RANBP2: variants seen among roughly 807,000 people sequenced by gnomAD.
RANBP2 encodes RAN binding protein 2, also known as E3 SUMO-protein ligase RanBP2.
A neutral mutation model predicts 303.6 loss-of-function variants in RANBP2; 57 were observed. The observed-to-expected ratio is 0.19, with a 90% CI of 0.15 to 0.23. The LOEUF is 0.23. Among genes scored for constraint, RANBP2 ranks in the 10% least tolerant of loss-of-function variants. RANBP2 has a pLI of 1.00. For missense variants in RANBP2, 3,138 were observed against 3,780.8 expected (o/e 0.83, Z 4.46); for synonymous variants, 1,167 against 1,301.5 (o/e 0.90, Z 2.23).
At chr2:109,192,351 C>T in the RANBP2 span, among the ~76,000 whole-genome samples, 2 of 152,140 alleles carry the variant, frequency 1.3e-5, no homozygotes, top group Non-Finnish European at 2.9e-5. Context: ...TTAAAAACCT[C>T]TTCTTTTGAG....
chr2:108,873,420 A>T, the RANBP2 span: 1 of 1,524,512 alleles, frequency 6.6e-7, no homozygotes, highest in East Asian at 2.3e-5. Flanking sequence ...GCTACTCCCT[A>T]ATAGTAAAGC....
chr2:109,027,847 G>T, the RANBP2 span, among the ~76,000 whole-genome samples: 3 of 152,206 alleles, frequency 2.0e-5, no homozygotes, highest in Non-Finnish European at 2.9e-5. Context: ...GTCCCTGCCA[G>T]TCCCCTACTT....
the RANBP2 span, among the ~76,000 whole-genome samples, chr2:109,679,892 CTGTT>C: frequency 2.0e-5 from 3 of 152,206 alleles, no homozygotes; most frequent in Admixed American, 1.3e-4. Flanking sequence ...GTGGCTGACA[CTGTT>C]TGACCCTGAG....
the RANBP2 span, among the ~76,000 whole-genome samples, chr2:109,559,362 G>A: frequency 6.6e-6 from 1 of 152,138 alleles, no homozygotes. Flanking sequence ...ACTCTCTTAG[G>A]AAGACAATAG....
chr2:109,593,554 C>T, the RANBP2 span, among the ~76,000 whole-genome samples: 15 of 151,916 alleles, frequency 9.9e-5, no homozygotes, highest in Non-Finnish European at 1.3e-4. Context: ...TACATGTGCA[C>T]GCCACCATGC....
chr2:108,849,683 A>AAAAAG, the RANBP2 span, among the ~76,000 whole-genome samples: 1 of 152,222 alleles, frequency 6.6e-6, no homozygotes, highest in Non-Finnish European at 1.5e-5. Flanking sequence ...AGAAAAAAAA[A>AAAAAG]TCTGACACTA....
the RANBP2 span, among the ~76,000 whole-genome samples, chr2:109,700,723 C>CT: frequency 2.0e-5 from 3 of 152,102 alleles, no homozygotes; most frequent in East Asian, 5.8e-4. Flanking sequence ...ACTTGGCAGT[C>CT]TTATGGGAGA....
chr2:109,098,468 A>G, the RANBP2 span, among the ~76,000 whole-genome samples: 1 of 152,108 alleles, frequency 6.6e-6, no homozygotes, highest in African/African-American at 2.4e-5. Context: ...AAGAAGCAGA[A>G]CCTGATGGTC....
the RANBP2 span, among the ~76,000 whole-genome samples, chr2:109,467,843 G>T: frequency 1.3e-5 from 2 of 152,152 alleles, no homozygotes; most frequent in East Asian, 3.9e-4. Context: ...ACAGAGCCAG[G>T]CTGAGCACCC....
the RANBP2 span, among the ~76,000 whole-genome samples, chr2:109,530,338 T>G: frequency 6.6e-6 from 1 of 152,164 alleles, no homozygotes; most frequent in Non-Finnish European, 1.5e-5. Flanking sequence ...ACGTGTCCAC[T>G]GATCAGGGCC....
chr2:109,414,967 C>G, the RANBP2 span, among the ~76,000 whole-genome samples: 1 of 152,224 alleles, frequency 6.6e-6, no homozygotes, highest in East Asian at 1.9e-4. Flanking sequence ...GGAGATGCTC[C>G]TGGATCACCT....
chr2:108,741,882 A>G (rs1353086759), intron 7 of RANBP2, among the ~76,000 whole-genome samples: 3 of 151,402 alleles, frequency 2.0e-5, no homozygotes, highest in African/African-American at 7.3e-5. Flanking sequence ...AGTCTTCCAA[A>G]AAAGCATTAA....
chr2:109,403,230 G>T, the RANBP2 span, among the ~76,000 whole-genome samples: 423 of 152,354 alleles, frequency 2.8e-3, 2 homozygotes, highest in Middle Eastern at 6.8e-3. Context: ...CGCACTGTCC[G>T]AGGCTGGCCT....
At chr2:109,760,813 G>A in the RANBP2 span, among the ~76,000 whole-genome samples, 1 of 138,116 alleles carries the variant, frequency 7.2e-6, no homozygotes, top group Non-Finnish European at 1.6e-5. Flanking sequence ...CGGGAGCGGC[G>A]AGGGGCGGCC....
the RANBP2 span, among the ~76,000 whole-genome samples, chr2:109,546,689 A>C: frequency 6.6e-6 from 1 of 152,138 alleles, no homozygotes; most frequent in African/African-American, 2.4e-5. Flanking sequence ...AGTAAACATC[A>C]CTGGAAAGCA....
the RANBP2 span, among the ~76,000 whole-genome samples, chr2:108,866,550 T>C: frequency 1.3e-5 from 2 of 152,188 alleles, no homozygotes; most frequent in East Asian, 3.9e-4. Flanking sequence ...CACTTCCTTA[T>C]GTTTTACAGT....
the RANBP2 span, chr2:109,568,003 C>T: frequency 6.5e-7 from 1 of 1,532,452 alleles, no homozygotes; most frequent in Non-Finnish European, 8.8e-7. Flanking sequence ...AAAACAAAAT[C>T]TTACTGAGGA....
chr2:109,508,317 C>G, the RANBP2 span, among the ~76,000 whole-genome samples: 1 of 152,136 alleles, frequency 6.6e-6, no homozygotes, highest in South Asian at 2.1e-4. Flanking sequence ...GCCCAGACTT[C>G]ATGGATTGAG....
the RANBP2 span, among the ~76,000 whole-genome samples, chr2:108,889,020 GT>G: frequency 6.6e-6 from 1 of 151,446 alleles, no homozygotes; most frequent in Admixed American, 6.6e-5. Context: ...ATTTCTTTCA[GT>G]TTTTTTAAAT....
Sources: gnomAD v4.1 joint callset for allele counts (sites outside exome capture counted in the v4.1 genomes callset) on GRCh38, gnomAD v4.1.1 for gene constraint, MANE v1.5 for transcripts, NCBI Gene and HGNC (gene_info 2026-07-23, HGNC 2026-07-21) for gene names.